Variants in DENND2B observed in about 807,000 individuals in gnomAD.
DENND2B encodes the protein DENN domain-containing protein 2B.
DENND2B carries 32 observed loss-of-function variants against 116.0 expected under a neutral mutation model. That is an observed-to-expected ratio of 0.28 (90% CI 0.21 to 0.37). The LOEUF (loss-of-function observed/expected upper bound fraction) is 0.37, where lower values mean the gene tolerates loss of function less well. Ranked by LOEUF, DENND2B falls within the 10% of genes least tolerant of loss-of-function variation. The probability of loss-of-function intolerance (pLI) is 1.00; values close to 1 mark genes in which losing one functional copy is unlikely to be tolerated. For missense variants in DENND2B, 1,276 were observed against 1,477.7 expected, an observed-to-expected ratio of 0.86 and a Z score of 2.24; for synonymous variants, 588 against 583.9, an observed-to-expected ratio of 1.01 and a Z score of -0.10.
At chr11:8,757,290 C>A (rs955108095) in intron 1 of DENND2B, 1 of 360,782 alleles carries the variant, frequency 2.8e-6, no homozygotes, top group Non-Finnish European at 5.4e-6. Flanking sequence ...TCTTCCAGAT[C>A]ACACTTCCCT....
chr11:8,839,118 A>G (rs972473545), intron 4 of DENND2B, among the ~76,000 whole-genome samples: 1 of 152,226 alleles, frequency 6.6e-6, no homozygotes, highest in Non-Finnish European at 1.5e-5. Flanking sequence ...AAGCTAGAAT[A>G]AAGCTTGCAA....
chr11:8,905,304 T>C (rs2064222125), intron 1 of DENND2B, among the ~76,000 whole-genome samples: 1 of 152,186 alleles, frequency 6.6e-6, no homozygotes, highest in Non-Finnish European at 1.5e-5. Flanking sequence ...AGGATAGTCT[T>C]TTATACAAAT....
At chr11:8,871,906 T>C (rs899794775), upstream of DENND2B, among the ~76,000 whole-genome samples, 6 of 152,186 alleles carry the variant, frequency 3.9e-5, no homozygotes, top group Admixed American at 1.3e-4. Context: ...TCCAAACCCA[T>C]ACTTAGTGAG....
At chr11:8,875,669 T>C (rs1269043159), upstream of DENND2B, among the ~76,000 whole-genome samples, 6 of 151,982 alleles carry the variant, frequency 3.9e-5, no homozygotes, top group East Asian at 1.2e-3. Flanking sequence ...CTTCAAGTGA[T>C]CCTCCCACTT....
chr11:8,713,203 A>G (rs2044085671), intron 8 of DENND2B, among the ~76,000 whole-genome samples: 1 of 152,128 alleles, frequency 6.6e-6, no homozygotes, highest in Admixed American at 6.5e-5. Flanking sequence ...AGAAAGCACA[A>G]AGATTTATCC....
chr11:8,767,424 TGAA>T (rs10530930), intron 1 of DENND2B, among the ~76,000 whole-genome samples: 88,002 of 151,592 alleles, frequency 0.58, 26,510 homozygotes, highest in Non-Finnish European at 0.66. Flanking sequence ...GAGGCCAAAA[TGAA>T]GAAGAAGTTT....
chr11:8,705,398 C>T (rs938779508), intron 13 of DENND2B, among the ~76,000 whole-genome samples: 1 of 152,168 alleles, frequency 6.6e-6, no homozygotes, highest in African/African-American at 2.4e-5. Flanking sequence ...CTCATCCTGA[C>T]CTCTTGGTGG....
intron 4 of DENND2B, among the ~76,000 whole-genome samples, chr11:8,725,254 T>C (rs997609738): frequency 2.0e-5 from 3 of 151,950 alleles, no homozygotes; most frequent in African/African-American, 4.8e-5. Context: ...CCCAGAGAAC[T>C]CCCTCCGCCC....
chr11:8,757,029 G>A (rs1251809899), intron 1 of DENND2B: 1 of 456,264 alleles, frequency 2.2e-6, no homozygotes, highest in Admixed American at 2.3e-5. Flanking sequence ...TCCAGAGAAA[G>A]GAATAGAATA....
intron 1 of DENND2B, among the ~76,000 whole-genome samples, chr11:8,763,288 G>A (rs2055013625): frequency 6.6e-6 from 1 of 152,098 alleles, no homozygotes; most frequent in Non-Finnish European, 1.5e-5. Context: ...ACTGACAGAG[G>A]AAGTGTAAAT....
chr11:8,761,609 C>T (rs573003504), intron 1 of DENND2B, among the ~76,000 whole-genome samples: 27 of 152,252 alleles, frequency 1.8e-4, no homozygotes, highest in African/African-American at 6.5e-4. Context: ...CCCTTGCCCC[C>T]CATTCTTTCT....
intron 2 of DENND2B, among the ~76,000 whole-genome samples, chr11:8,733,580 A>G (rs957578589): frequency 6.6e-6 from 1 of 152,146 alleles, no homozygotes; most frequent in African/African-American, 2.4e-5. Flanking sequence ...TTTTTAAACT[A>G]TACATGCCTC....
intron 3 of DENND2B, among the ~76,000 whole-genome samples, chr11:8,853,241 T>G (rs1013578064): frequency 2.0e-5 from 3 of 152,092 alleles, no homozygotes; most frequent in African/African-American, 7.2e-5. Context: ...CACACACCTG[T>G]AATCCCAGCT....
chr11:8,756,171 AT>A (rs2053571244), intron 1 of DENND2B, among the ~76,000 whole-genome samples: 1 of 152,194 alleles, frequency 6.6e-6, no homozygotes, highest in Non-Finnish European at 1.5e-5. Flanking sequence ...AAGGCAAAAG[AT>A]TTGTGGCATG....
chr11:8,721,221 G>C (rs1489872672), intron 4 of DENND2B, among the ~76,000 whole-genome samples: 1 of 151,714 alleles, frequency 6.6e-6, no homozygotes, highest in Non-Finnish European at 1.5e-5. Context: ...TCCTCTTAAA[G>C]GAAGAATCCA....
At chr11:8,842,278 G>A (rs896500243) in intron 3 of DENND2B, among the ~76,000 whole-genome samples, 1 of 152,154 alleles carries the variant, frequency 6.6e-6, no homozygotes, top group East Asian at 1.9e-4. Flanking sequence ...TGTTCCACAA[G>A]GAATCAAAGT....
At chr11:8,843,751 G>C (rs951124857) in intron 3 of DENND2B, among the ~76,000 whole-genome samples, 1 of 152,098 alleles carries the variant, frequency 6.6e-6, no homozygotes, top group African/African-American at 2.4e-5. Flanking sequence ...TTTCCCCCAA[G>C]GTTGATCCTG....
At chr11:8,855,690 G>T (rs1256523546) in intron 3 of DENND2B, among the ~76,000 whole-genome samples, 1 of 151,960 alleles carries the variant, frequency 6.6e-6, no homozygotes, top group Admixed American at 6.6e-5. Flanking sequence ...CTCCTGGAAG[G>T]GTTTCTAACT....
chr11:8,802,993 T>C (rs954269430), intron 1 of DENND2B, among the ~76,000 whole-genome samples: 2 of 152,214 alleles, frequency 1.3e-5, no homozygotes, highest in Admixed American at 6.5e-5. Flanking sequence ...CAACTATATA[T>C]GTTAGCCATT....
Sources: gnomAD v4.1 joint callset for allele counts (sites outside exome capture counted in the v4.1 genomes callset) on GRCh38, gnomAD v4.1.1 for gene constraint, MANE v1.5 for transcripts, NCBI Gene and HGNC (gene_info 2026-07-23, HGNC 2026-07-21) for gene names.